ASB5: variants seen among roughly 807,000 people sequenced by gnomAD.
ASB5 encodes ankyrin repeat and SOCS box protein 5.
Under a neutral mutation model 42.1 loss-of-function variants are expected in ASB5, and 45 were observed. That is an observed-to-expected ratio of 1.07 (90% CI 0.84 to 1.37). ASB5 has a LOEUF of 1.37. Ranked by LOEUF, ASB5 falls within the 40% of genes most tolerant of loss-of-function variation. The pLI is 0.00. For missense variants in ASB5, 402 were observed against 399.8 expected, an observed-to-expected ratio of 1.01 and a Z score of -0.05; for synonymous variants, 147 against 150.6, an observed-to-expected ratio of 0.98 and a Z score of 0.18.
At chr4:176,232,850 A>G (rs541732532) in intron 1 of ASB5, among the ~76,000 whole-genome samples, 4 of 152,290 alleles carry the variant, frequency 2.6e-5, no homozygotes, top group African/African-American at 9.6e-5. Flanking sequence ...TAATAATCAT[A>G]TGGTCTCAAA....
intron 6 of ASB5, 28 bp from the exon 7 acceptor site, chr4:176,215,755 A>G: frequency 6.3e-7 from 1 of 1,585,592 alleles, no homozygotes; most frequent in South Asian, 1.1e-5. Context: ...TCTATTTGTT[A>G]ATTAAAATAG....
At chr4:176,231,532 G>A (rs567694764) in intron 1 of ASB5, among the ~76,000 whole-genome samples, 1 of 151,534 alleles carries the variant, frequency 6.6e-6, no homozygotes, top group African/African-American at 2.4e-5. Context: ...TGTTATAAAT[G>A]TCTTTGTGGC....
chr4:176,241,693 T>C (rs999168215), intron 1 of ASB5: 5 of 1,305,378 alleles, frequency 3.8e-6, no homozygotes, highest in Non-Finnish European at 4.9e-6. Flanking sequence ...AGATGAGGTC[T>C]GAGAGTAAGC....
At chr4:176,261,326 T>A (rs1754264477) in intron 1 of ASB5, among the ~76,000 whole-genome samples, 1 of 152,204 alleles carries the variant, frequency 6.6e-6, no homozygotes, top group African/African-American at 2.4e-5. Context: ...TGTAAAATAT[T>A]TATGGTGGTA....
At position 176,261,099 on chromosome 4, in the gene ASB5, T is replaced by C. The variant is rs554277381; in HGVS notation, c.196+7814A>G. Reference sequence around the variant, plus strand: ...AATACTTCACCTGCTTTTAATGGCATGGTTTATCTGTCACTGGGGATAATT... The same window carrying C: ...AATACTTCACCTGCTTTTAATGGCACGGTTTATCTGTCACTGGGGATAATT... On this transcript the variant is annotated intron_variant, in intron 1 of 6. Transcript: ENST00000296525. 6.6e-5 allele frequency among the ~76,000 whole-genome samples: 10 copies of C among 152,318 alleles called. 1 individual carries two copies. In the South Asian group the frequency reaches 2.1e-3, roughly 32 times the overall value.
chr4:176,216,297 T>G (rs996722793), intron 6 of ASB5, among the ~76,000 whole-genome samples: 1 of 152,134 alleles, frequency 6.6e-6, no homozygotes, highest in East Asian at 1.9e-4. Context: ...ATTGAATATA[T>G]TTAACCAAAA....
intron 1 of ASB5, among the ~76,000 whole-genome samples, chr4:176,252,813 C>T (rs1754069598): frequency 6.6e-6 from 1 of 152,182 alleles, no homozygotes; most frequent in South Asian, 2.1e-4. Context: ...GACCAGGGCT[C>T]ACATTTTTAC....
At chr4:176,244,772 G>T (rs753251714) in intron 1 of ASB5, among the ~76,000 whole-genome samples, 1 of 152,122 alleles carries the variant, frequency 6.6e-6, no homozygotes, top group Admixed American at 6.5e-5. Context: ...TTAAAAATTA[G>T]CTGGGCATGG....
chr4:176,215,918 T>C lies in ASB5; in HGVS notation c.863-191A>G, dbSNP rs1218016640. 2.0e-5 allele frequency among the ~76,000 whole-genome samples: 3 copies of C among 152,226 alleles called. No homozygotes were observed. The East Asian group carries it at 5.8e-4, about 29-fold the overall frequency. On this transcript the variant is annotated intron_variant, in intron 6 of 6. Transcript: ENST00000296525. ...TTATAAGATCTTATTATAATTGAGATATATTCCATATACATTCCTTAAAAT... is the reference window on the plus strand; with the variant it reads ...TTATAAGATCTTATTATAATTGAGACATATTCCATATACATTCCTTAAAAT...
intron 1 of ASB5, among the ~76,000 whole-genome samples, chr4:176,255,134 G>C (rs1030656547): frequency 3.3e-5 from 5 of 151,888 alleles, no homozygotes; most frequent in Admixed American, 1.3e-4. Context: ...CATCTTCAAA[G>C]AAACAAACAA....
rs10034647 is a variant in ASB5 at position 176,243,152 on chromosome 4, T to C, written c.197-17811A>G. 3.2e-3 allele frequency among the ~76,000 whole-genome samples: 486 copies of C among 152,330 alleles called. 6 individuals carry two copies. Among genetic ancestry groups the C allele is most frequent in the African/African-American group, 0.011 (464 of 41,582 alleles). Reference sequence around the variant, plus strand: ...GAAAAGTGTGCCAACCTCTGGACTTTATAATATTAGTCATTTAAAATTTAC... The same window carrying C: ...GAAAAGTGTGCCAACCTCTGGACTTCATAATATTAGTCATTTAAAATTTAC... On this transcript the variant is annotated intron_variant, in intron 1 of 6. Coordinates refer to ENST00000296525, the MANE Select transcript of ASB5 (RefSeq NM_080874.4).
intron 5 of ASB5, among the ~76,000 whole-genome samples, chr4:176,220,717 G>A (rs72706383): frequency 4.6e-5 from 7 of 152,306 alleles, no homozygotes; most frequent in Admixed American, 1.3e-4. Flanking sequence ...CTAGAAAAGT[G>A]CATGAGTTTT....
rs76406396 is a variant in ASB5 at position 176,232,911 on chromosome 4, G to A, written c.197-7570C>T. 5.9e-5 allele frequency among the ~76,000 whole-genome samples: 9 copies of A among 152,180 alleles called. No individual in the cohort carries two copies. In the South Asian group the frequency reaches 1.7e-3, roughly 28 times the overall value. On this transcript the variant is annotated intron_variant, in intron 1 of 6. Coordinates refer to ENST00000296525, the MANE Select transcript of ASB5 (RefSeq NM_080874.4). Reference sequence around the variant, plus strand: ...TCAGCTATCTCAATTAACTATTACTGATCACTGGTGCCATGGATAGAGCAT... The same window carrying A: ...TCAGCTATCTCAATTAACTATTACTAATCACTGGTGCCATGGATAGAGCAT...
intron 1 of ASB5, among the ~76,000 whole-genome samples, chr4:176,234,170 C>CA (rs1274547908): frequency 6.6e-6 from 1 of 152,200 alleles, no homozygotes; most frequent in Non-Finnish European, 1.5e-5. Flanking sequence ...ACATGGGAGC[C>CA]AAAGCAATCC....
chr4:176,241,425 T>G (rs1753809561), intron 1 of ASB5: 1 of 1,497,730 alleles, frequency 6.7e-7, no homozygotes, highest in South Asian at 1.2e-5. Context: ...AAAACCTCCT[T>G]AAATCATCAC....
intron 1 of ASB5, among the ~76,000 whole-genome samples, chr4:176,242,155 A>G (rs763356085): frequency 3.9e-5 from 6 of 152,152 alleles, no homozygotes; most frequent in Non-Finnish European, 8.8e-5. Context: ...CAACTCTTAC[A>G]TTATCTTTTC....
chr4:176,272,116 AAG>A (rs1242710792), upstream of ASB5, among the ~76,000 whole-genome samples: 1 of 152,224 alleles, frequency 6.6e-6, no homozygotes, highest in Non-Finnish European at 1.5e-5. Context: ...GGAATAAAGA[AAG>A]AGGGGCTAAT....
At chr4:176,246,782 A>C (rs1035447449) in intron 1 of ASB5, among the ~76,000 whole-genome samples, 1 of 152,218 alleles carries the variant, frequency 6.6e-6, no homozygotes, top group African/African-American at 2.4e-5. Context: ...CTCTCAATTG[A>C]AAAACAAAAA....
At chr4:176,215,770 G>C (rs755997089) in intron 6 of ASB5, 43 bp from the exon 7 acceptor site, 48 of 1,560,774 alleles carry the variant, frequency 3.1e-5, no homozygotes, top group Non-Finnish European at 8.7e-7. Flanking sequence ...AAATAGAAAT[G>C]AATTTTTTAT....
Sources: allele counts gnomAD v4.1 joint callset (sites outside exome capture counted in the v4.1 genomes callset), GRCh38; gene constraint gnomAD v4.1.1; transcripts MANE v1.5; gene names NCBI Gene and HGNC (gene_info 2026-07-23, HGNC 2026-07-21).